SYT1: variants seen among roughly 807,000 people sequenced by gnomAD.
The protein encoded by SYT1 is synaptotagmin-1.
In SYT1, 8 loss-of-function variants were observed where a neutral mutation model predicts 44.8. That is an observed-to-expected ratio of 0.18 (90% CI 0.10 to 0.32). SYT1 has a LOEUF of 0.32. Among genes scored for constraint, SYT1 ranks in the 10% least tolerant of loss-of-function variants. SYT1 has a pLI of 1.00. For synonymous variants in SYT1, 154 were observed against 188.8 expected, an observed-to-expected ratio of 0.82 and a Z score of 1.51; for missense variants, 286 against 509.3, an observed-to-expected ratio of 0.56 and a Z score of 4.22.
At chr12:79,338,734 A>G (rs1284526443) in intron 8 of SYT1, among the ~76,000 whole-genome samples, 1 of 148,208 alleles carries the variant, frequency 6.7e-6, no homozygotes, top group African/African-American at 2.5e-5. Context: ...GGTTTGTTAC[A>G]TATGTATACA....
intron 4 of SYT1, among the ~76,000 whole-genome samples, chr12:79,248,468 C>A (rs1346408609): frequency 6.6e-6 from 1 of 152,062 alleles, no homozygotes; most frequent in African/African-American, 2.4e-5. Flanking sequence ...CCTTTCTTGC[C>A]TCCTTGTTTA....
intron 1 of SYT1, among the ~76,000 whole-genome samples, chr12:78,934,134 A>ATG (rs372625285): frequency 2.7e-5 from 4 of 150,684 alleles, no homozygotes; most frequent in East Asian, 3.9e-4. Flanking sequence ...GTGTGTATAT[A>ATG]TGTGTGTGTG....
chr12:78,935,831 AT>A (rs1313855165), intron 1 of SYT1, among the ~76,000 whole-genome samples: 1 of 152,118 alleles, frequency 6.6e-6, no homozygotes, highest in African/African-American at 2.4e-5. Context: ...AAACTAAAAA[AT>A]TTGTTGTAAA....
chr12:79,113,540 T>G (rs1879125261), intron 3 of SYT1, among the ~76,000 whole-genome samples: 1 of 152,146 alleles, frequency 6.6e-6, no homozygotes, highest in Admixed American at 6.6e-5. Flanking sequence ...AGATACATAC[T>G]GTGTAGTAGC....
chr12:78,951,302 T>C (rs185558832), intron 1 of SYT1, among the ~76,000 whole-genome samples: 1 of 152,260 alleles, frequency 6.6e-6, no homozygotes, highest in East Asian at 1.9e-4. Flanking sequence ...TAAACAAAAC[T>C]TATGAAACAA....
At chr12:79,073,811 G>A (rs139701700) in intron 3 of SYT1, among the ~76,000 whole-genome samples, 203 of 152,160 alleles carry the variant, frequency 1.3e-3, no homozygotes, top group Non-Finnish European at 1.9e-3. Flanking sequence ...CTCTTTTTCT[G>A]TCTCTCCCTT....
intron 9 of SYT1, among the ~76,000 whole-genome samples, chr12:79,370,211 C>T (rs1433154488): frequency 6.6e-6 from 1 of 152,106 alleles, no homozygotes; most frequent in African/African-American, 2.4e-5. Flanking sequence ...GAAGCAAATT[C>T]AGCAGGAAAT....
intron 3 of SYT1, among the ~76,000 whole-genome samples, chr12:79,064,239 G>A (rs1424888738): frequency 6.6e-6 from 1 of 152,076 alleles, no homozygotes; most frequent in East Asian, 1.9e-4. Context: ...AAAGACTGAA[G>A]GAGAAAGGAA....
At chr12:78,960,497 TC>T (rs1565737657) in intron 1 of SYT1, 1 of 152,180 alleles carries the variant, frequency 6.6e-6, no homozygotes, top group African/African-American at 2.4e-5. Flanking sequence ...AAAACTGAGT[TC>T]CTTTAGCATG....
At chr12:79,203,998 T>C (rs1363481790) in intron 3 of SYT1, among the ~76,000 whole-genome samples, 1 of 152,214 alleles carries the variant, frequency 6.6e-6, no homozygotes, top group Non-Finnish European at 1.5e-5. Context: ...CATTTATCTA[T>C]TCATTTATTA....
intron 4 of SYT1, among the ~76,000 whole-genome samples, chr12:79,279,391 A>C (rs1052394051): frequency 1.3e-5 from 2 of 152,188 alleles, no homozygotes; most frequent in African/African-American, 4.8e-5. Context: ...AATTAAAAAT[A>C]AAAACCATAT....
intron 2 of SYT1, among the ~76,000 whole-genome samples, chr12:79,015,822 T>C (rs1479611799): frequency 6.6e-6 from 1 of 152,158 alleles, no homozygotes; most frequent in Non-Finnish European, 1.5e-5. Context: ...ATTCTGCTAG[T>C]GTTTATTTTT....
At chr12:78,990,222 G>T (rs112788985) in intron 2 of SYT1, among the ~76,000 whole-genome samples, 2 of 152,190 alleles carry the variant, frequency 1.3e-5, no homozygotes, top group African/African-American at 4.8e-5. Context: ...GGTATTAATT[G>T]TTCATTTGTT....
chr12:79,126,631 A>G (rs1392939880), intron 3 of SYT1, among the ~76,000 whole-genome samples: 1 of 152,192 alleles, frequency 6.6e-6, no homozygotes, highest in Non-Finnish European at 1.5e-5. Flanking sequence ...GAGGATTTAT[A>G]TATGCAGTGT....
chr12:79,025,808 T>A (rs980095310), intron 2 of SYT1, among the ~76,000 whole-genome samples: 7 of 151,612 alleles, frequency 4.6e-5, no homozygotes, highest in Admixed American at 1.3e-4. Flanking sequence ...AGAGCTTTTT[T>A]AAAAAATACC....
chr12:79,026,701 A>ATATATC (rs1491314130), intron 2 of SYT1, among the ~76,000 whole-genome samples: 1 of 125,726 alleles, frequency 8.0e-6, no homozygotes, highest in Non-Finnish European at 1.7e-5. Flanking sequence ...ATATATATAT[A>ATATATC]TCACACTTTC....
Position 79,449,006 on chromosome 12 carries a change from C to T in SYT1, c.1151C>T (p.Thr384Ile), listed in dbSNP as rs986630277. Residue 384 changes from threonine to isoleucine, a missense_variant, in exon 11 of 11, where the codon ACC (threonine) becomes ATC (isoleucine). Thr to Ile is a moderately conservative substitution (Grantham distance 89, BLOSUM62 -1). Transcript: ENST00000261205. ...IGKVFVGYNSTGAELRHWSDM... is the reference protein window; with the variant it reads ...IGKVFVGYNSIGAELRHWSDM... ...AAAGTCTTTGTGGGCTACAACAGCACCGGCGCGGAGCTGCGACACTGGTCA... is the reference window on the plus strand; with the variant it reads ...AAAGTCTTTGTGGGCTACAACAGCATCGGCGCGGAGCTGCGACACTGGTCA... 6.2e-7 allele frequency: 1 copy of T among 1,614,230 alleles called. No homozygotes were observed. Among genetic ancestry groups the T allele is most frequent in the East Asian group, 2.2e-5 (1 of 44,884 alleles).
chr12:79,361,358 A>G (rs1234476725), intron 9 of SYT1, among the ~76,000 whole-genome samples: 1 of 152,102 alleles, frequency 6.6e-6, no homozygotes, highest in African/African-American at 2.4e-5. Flanking sequence ...TAGGATGTCA[A>G]CCCAAGCAGA....
intron 4 of SYT1, among the ~76,000 whole-genome samples, chr12:79,251,899 A>G (rs1034187981): frequency 7.1e-6 from 1 of 140,472 alleles, no homozygotes; most frequent in Non-Finnish European, 1.5e-5. Flanking sequence ...ACTGATAAAT[A>G]TCTCCTAATG....
Sources: gnomAD v4.1 joint callset for allele counts (sites outside exome capture counted in the v4.1 genomes callset) on GRCh38, gnomAD v4.1.1 for gene constraint, MANE v1.5 for transcripts, NCBI Gene and HGNC (gene_info 2026-07-23, HGNC 2026-07-21) for gene names.